The following PCSK2 variants were observed in gnomAD, a reference collection of about 807,000 sequenced individuals.
PCSK2 encodes the protein neuroendocrine convertase 2.
A neutral mutation model predicts 69.7 loss-of-function variants in PCSK2; 14 were observed. The ratio of observed to expected loss-of-function variants is 0.20; its 90% CI spans 0.13 to 0.31. The LOEUF is 0.31. PCSK2 is among the 10% of genes least tolerant of loss of function. The pLI, the probability that PCSK2 is intolerant of heterozygous loss-of-function variation, is 1.00. For missense variants in PCSK2, 544 were observed against 842.5 expected (o/e 0.65, Z 4.39); for synonymous variants, 307 against 320.7 (o/e 0.96, Z 0.46).
At chr20:17,407,107 A>G (rs955479584) in intron 5 of PCSK2, among the ~76,000 whole-genome samples, 1 of 152,102 alleles carries the variant, frequency 6.6e-6, no homozygotes, top group African/African-American at 2.4e-5. Flanking sequence ...TCCACTGGGG[A>G]TCAAGGGAAT....
intron 2 of PCSK2, among the ~76,000 whole-genome samples, chr20:17,352,680 C>G (rs1198200282): frequency 6.6e-6 from 1 of 152,306 alleles, no homozygotes; most frequent in Admixed American, 6.5e-5. Context: ...CTTTCTTTCA[C>G]CATATGCAAG....
chr20:17,321,148 A>AT (rs1568601949), intron 2 of PCSK2, among the ~76,000 whole-genome samples: 3 of 152,066 alleles, frequency 2.0e-5, no homozygotes, highest in Admixed American at 6.6e-5. Flanking sequence ...GAAAGCAAAG[A>AT]TTTTTTCCTT....
chr20:17,478,842 A>G (rs1443688620), intron 11 of PCSK2, among the ~76,000 whole-genome samples: 1 of 152,192 alleles, frequency 6.6e-6, no homozygotes, highest in Non-Finnish European at 1.5e-5. Flanking sequence ...TTTTCATGTC[A>G]TGCCATATTT....
At chr20:17,303,711 G>C (rs1375685138) in intron 2 of PCSK2, among the ~76,000 whole-genome samples, 1 of 146,326 alleles carries the variant, frequency 6.8e-6, no homozygotes, top group Non-Finnish European at 1.5e-5. Context: ...TGAATAGCTG[G>C]GACTACAGGC....
intron 11 of PCSK2, among the ~76,000 whole-genome samples, chr20:17,474,496 T>C (rs73253912): frequency 5.9e-5 from 9 of 152,320 alleles, no homozygotes; most frequent in African/African-American, 2.2e-4. Context: ...CTATCACAAA[T>C]GCACACCACT....
intron 2 of PCSK2, among the ~76,000 whole-genome samples, chr20:17,287,200 C>G (rs1988541755): frequency 6.6e-6 from 1 of 152,084 alleles, no homozygotes; most frequent in Non-Finnish European, 1.5e-5. Flanking sequence ...TAGTGTTTGA[C>G]CAAACATCTG....
At chr20:17,356,387 G>T (rs2030196993) in intron 2 of PCSK2, among the ~76,000 whole-genome samples, 1 of 152,072 alleles carries the variant, frequency 6.6e-6, no homozygotes, top group Non-Finnish European at 1.5e-5. Context: ...TTTTCCACAT[G>T]TATAGATTTT....
chr20:17,361,436 G>A (rs1473911930), intron 4 of PCSK2, among the ~76,000 whole-genome samples: 1 of 152,238 alleles, frequency 6.6e-6, no homozygotes, highest in African/African-American at 2.4e-5. Context: ...GCCCTGCCAA[G>A]ATTGTGGAGA....
intron 8 of PCSK2, among the ~76,000 whole-genome samples, chr20:17,444,120 A>C (rs2032650654): frequency 6.6e-6 from 1 of 152,242 alleles, no homozygotes; most frequent in South Asian, 2.1e-4. Context: ...ACTCTAAGGA[A>C]AAATCCACTT....
At chr20:17,461,730 T>C (rs1335936954) in intron 10 of PCSK2, among the ~76,000 whole-genome samples, 3 of 152,190 alleles carry the variant, frequency 2.0e-5, no homozygotes, top group Non-Finnish European at 2.9e-5. Context: ...TAAATAGAAG[T>C]ACTATGCTCT....
At chr20:17,351,913 C>T (rs766429128) in intron 2 of PCSK2, among the ~76,000 whole-genome samples, 5 of 152,166 alleles carry the variant, frequency 3.3e-5, no homozygotes, top group Non-Finnish European at 5.9e-5. Flanking sequence ...CAACTTATAT[C>T]TCTTCATTTA....
intron 2 of PCSK2, among the ~76,000 whole-genome samples, chr20:17,286,243 A>G (rs986119781): frequency 5.3e-5 from 8 of 152,222 alleles, no homozygotes; most frequent in Admixed American, 1.3e-4. Flanking sequence ...TACCTAACAC[A>G]TGTGGCTACT....
At chr20:17,402,234 G>C (rs779590464) in intron 5 of PCSK2, among the ~76,000 whole-genome samples, 6 of 152,076 alleles carry the variant, frequency 3.9e-5, no homozygotes, top group Admixed American at 2.6e-4. Context: ...AAAGATAAAG[G>C]CATCTTTTTA....
chr20:17,429,550 C>CCCCACTAGGTATCACACTGAT, intron 7 of PCSK2, 27 bp downstream of exon 7: 1 of 1,459,352 alleles, frequency 6.9e-7, no homozygotes. Flanking sequence ...AAACAGAGGC[C>CCCCACTAGGTATCACACTGAT]CCCACTAGGT....
At chr20:17,295,127 C>A (rs2123074369) in intron 2 of PCSK2, among the ~76,000 whole-genome samples, 2 of 152,068 alleles carry the variant, frequency 1.3e-5, no homozygotes, top group South Asian at 4.2e-4. Flanking sequence ...ATAGAAGCAT[C>A]CCTCACATTT....
chr20:17,245,224 G>A (rs1053630086), intron 1 of PCSK2, among the ~76,000 whole-genome samples: 2 of 152,186 alleles, frequency 1.3e-5, no homozygotes, highest in Non-Finnish European at 2.9e-5. Context: ...GAGATTCTAT[G>A]AAGTGCACCT....
At chr20:17,408,612 C>T (rs1180404290) in intron 5 of PCSK2, among the ~76,000 whole-genome samples, 2 of 152,122 alleles carry the variant, frequency 1.3e-5, no homozygotes, top group East Asian at 1.9e-4. Flanking sequence ...TGTCTGTTCC[C>T]GCAACTAGGC....
At chr20:17,345,467 T>G (rs1298730548) in intron 2 of PCSK2, among the ~76,000 whole-genome samples, 10 of 152,242 alleles carry the variant, frequency 6.6e-5, no homozygotes, top group Non-Finnish European at 1.3e-4. Context: ...TTTCAGGCTT[T>G]GAGGCCATAT....
At chr20:17,246,132 A>G (rs925734249) in intron 1 of PCSK2, among the ~76,000 whole-genome samples, 2 of 152,218 alleles carry the variant, frequency 1.3e-5, no homozygotes, top group African/African-American at 2.4e-5. Flanking sequence ...AGAGCTTGCA[A>G]TCCAGGCATT....
Sources: allele counts gnomAD v4.1 joint callset (sites outside exome capture counted in the v4.1 genomes callset), GRCh38; gene constraint gnomAD v4.1.1; transcripts MANE v1.5; gene names NCBI Gene and HGNC (gene_info 2026-07-23, HGNC 2026-07-21).